Variants in PMS1 observed in about 807,000 individuals in gnomAD.
The protein encoded by PMS1 is PMS1 homolog 1, mismatch repair system component.
In PMS1, 79 loss-of-function variants were observed where a neutral mutation model predicts 93.1. That is an observed-to-expected ratio of 0.85 (90% CI 0.71 to 1.02). The LOEUF (loss-of-function observed/expected upper bound fraction) is 1.02. Among genes scored for constraint, PMS1 ranks in the 50% least tolerant of loss-of-function variants. The pLI, the probability that PMS1 is intolerant of heterozygous loss-of-function variation, is 0.00. For missense variants in PMS1, 1,064 were observed against 1,085.3 expected (o/e 0.98, Z 0.28); for synonymous variants, 335 against 363.4 (o/e 0.92, Z 0.89).
chr2:189,846,655 G>A (rs1012823546), intron 6 of PMS1, among the ~76,000 whole-genome samples: 4 of 151,990 alleles, frequency 2.6e-5, no homozygotes, highest in Non-Finnish European at 4.4e-5. Context: ...CTCCAGCCTC[G>A]GCCAGAAAGA....
At chr2:189,875,359 C>T (rs1246988582) in intron 12 of PMS1, among the ~76,000 whole-genome samples, 1 of 151,636 alleles carries the variant, frequency 6.6e-6, no homozygotes, top group African/African-American at 2.4e-5. Flanking sequence ...TGCAGTCAGC[C>T]CTCCAGAACC....
chr2:189,785,766 A>G (rs1475079210), intron 1 of PMS1, among the ~76,000 whole-genome samples: 1 of 152,178 alleles, frequency 6.6e-6, no homozygotes, highest in Non-Finnish European at 1.5e-5. Flanking sequence ...ATCTGGAAGG[A>G]TGATTAGAAG....
chr2:189,856,154 C>CTT (rs77130183), intron 9 of PMS1, among the ~76,000 whole-genome samples: 2 of 140,478 alleles, frequency 1.4e-5, no homozygotes, highest in African/African-American at 2.6e-5. Context: ...TTTTTGTCAT[C>CTT]TTTTTTTTTT....
chr2:189,860,800 ATTTTTTTTTTTTTTTTTTTT>A (rs1158514130), intron 9 of PMS1, among the ~76,000 whole-genome samples: 554 of 41,032 alleles, frequency 0.014, 11 homozygotes, highest in African/African-American at 0.044. Context: ...TCTTTGAGGA[ATTTTTTTTTTTTTTTTTTTT>A]TTTTTTTTTT....
intron 3 of PMS1, among the ~76,000 whole-genome samples, chr2:189,800,843 A>T (rs2049821107): frequency 6.6e-6 from 1 of 152,190 alleles, no homozygotes; most frequent in South Asian, 2.1e-4. Context: ...AAATGTTATT[A>T]AGAAGAAAAA....
At chr2:189,830,311 G>A (rs1382922650) in intron 5 of PMS1, among the ~76,000 whole-genome samples, 2 of 152,098 alleles carry the variant, frequency 1.3e-5, no homozygotes, top group Admixed American at 6.6e-5. Flanking sequence ...TTTTGCTTCA[G>A]TTGTTTCTGG....
chr2:189,794,294 A>G lies in PMS1; in HGVS notation c.133-1475A>G, dbSNP rs534101827. ...TGCCCGGCTAATTTTTTGTATTTTT[A>G]GTAGTGACCGAGGTTTCACCATGTT... On this transcript the variant is annotated intron_variant, in intron 2 of 12. Transcript: ENST00000441310. Among the ~76,000 whole-genome samples the G allele has an allele frequency of 9.2e-5, 14 of 151,662 alleles. 1 individual carries two copies. In the South Asian group the frequency reaches 2.9e-3, roughly 32 times the overall value.
intron 5 of PMS1, among the ~76,000 whole-genome samples, chr2:189,819,932 G>A (rs967811377): frequency 6.6e-6 from 1 of 152,104 alleles, no homozygotes; most frequent in Non-Finnish European, 1.5e-5. Context: ...TCATCTTGTT[G>A]CTTGGTGAAT....
chr2:189,846,743 C>T (rs187448168), intron 6 of PMS1, among the ~76,000 whole-genome samples: 70 of 152,148 alleles, frequency 4.6e-4, no homozygotes, highest in Admixed American at 1.8e-3. Flanking sequence ...CTTGCACTTT[C>T]GCTTGTTGAT....
chr2:189,823,698 TG>T (rs754471936), intron 5 of PMS1, among the ~76,000 whole-genome samples: 75 of 152,358 alleles, frequency 4.9e-4, no homozygotes, highest in Non-Finnish European at 9.6e-4. Flanking sequence ...TTAATCTTTT[TG>T]TTTCAAAGAA....
Position 189,795,822 on chromosome 2 carries a change from G to A in PMS1, c.186G>A (p.Lys62=). 6.2e-7 allele frequency: 1 copy of A among 1,613,296 alleles called. No individual in the cohort carries two copies. The highest frequency in any genetic ancestry group is 8.5e-7 in the Non-Finnish European group (1 of 1,179,252). The change falls in exon 3 of 13, where the codon AAG becomes AAA. Residue 62 remains lysine (K), a synonymous_variant. Transcript: ENST00000441310. ...IEVRDNGEGI[K]AVDAPVMAMK... ...TGCGAGATAACGGGGAGGGTATCAA[G>A]GCTGTTGATGCACCTGTAATGGCAA...
Position 189,855,197 on chromosome 2 carries a change from A to AC in PMS1, c.1856+69_1856+70insC, listed in dbSNP as rs2055182166. 7.4e-6 allele frequency: 10 copies of AC among 1,348,386 alleles called. No homozygotes were observed. In the Admixed American group the frequency reaches 8.6e-5, roughly 12 times the overall value. 83.5% of individuals were successfully genotyped at this position (1,348,386 alleles called of 1,614,324 possible). On this transcript the variant is annotated intron_variant, in intron 9 of 12. Transcript: ENST00000441310. ...TCCATTCTATATGACTCACTGTTTA[A>AC]AAAGAATTTTTTTCACTTCTTATTT...
rs144159875 is a variant in PMS1, at chr2:189,809,110, G to A, written c.418+3356G>A. On this transcript the variant is annotated intron_variant, in intron 4 of 12. Transcript: ENST00000441310. ...CATCATGTTCTTTGTAAATTCCTAC[G>A]GTGTGTGATTGTGCGTGTATTAAAA... is the stretch of plus-strand genomic sequence containing the variant. Among the ~76,000 whole-genome samples the A allele has an allele frequency of 2.4e-4, 37 of 152,182 alleles. 1 individual carries two copies. Among genetic ancestry groups the A allele is most frequent in the South Asian group, 8.3e-4 (4 of 4,822 alleles).
At chr2:189,794,071 A>G (rs1559213952) in intron 2 of PMS1, among the ~76,000 whole-genome samples, 1 of 152,086 alleles carries the variant, frequency 6.6e-6, no homozygotes, top group Non-Finnish European at 1.5e-5. Flanking sequence ...TTTCTTTAAA[A>G]TATAGAAGAC....
chr2:189,864,276 G>C (rs767243307), intron 10 of PMS1, 48 bp downstream of exon 10: 1 of 1,227,892 alleles, frequency 8.1e-7, no homozygotes, highest in Non-Finnish European at 1.2e-6. Context: ...TATTATAATA[G>C]TTCATACTAG....
chr2:189,854,402 G>C lies in PMS1; in HGVS notation c.1130G>C (p.Gly377Ala), dbSNP rs775503944. The change falls in exon 9 of 13, where the codon GGA (glycine) becomes GCA (alanine). Residue 377 changes from glycine (G) to alanine (A), a missense_variant. Coordinates refer to ENST00000441310, the MANE Select transcript of PMS1 (RefSeq NM_000534.5). ...CTTTTTAATAAAGTGGAATCATCTG[G>C]AAAGAATTATTCAAATGTTGATACT... Reference protein sequence around the residue: ...DVLFNKVESSGKNYSNVDTSV... With the variant: ...DVLFNKVESSAKNYSNVDTSV... The C allele has an allele frequency of 1.9e-6, 3 of 1,604,018 alleles. No individual in the cohort carries two copies. The Admixed American group carries it at 5.1e-5, about 27-fold the overall frequency.
In PMS1 at chr2:189,843,645, A is replaced by C. The variant is rs116494203; in HGVS notation, c.583-319A>C. 4.7e-4 allele frequency among the ~76,000 whole-genome samples: 72 copies of C among 152,314 alleles called. 1 individual carries two copies. The highest frequency in any genetic ancestry group is 1.7e-3 in the African/African-American group (70 of 41,580). On this transcript the variant is annotated intron_variant, in intron 5 of 12. Coordinates refer to ENST00000441310, the MANE Select transcript of PMS1 (RefSeq NM_000534.5). ...TGGAGAGAGAATCGATATTTAGTGA[A>C]ACTGTTTTATGCCAGGCACAGGCAT...
chr2:189,863,790 T>C lies in PMS1; in HGVS notation c.1904T>C (p.Met635Thr), dbSNP rs982600482. The change falls in exon 10 of 13, where the codon ATG (methionine) becomes ACG (threonine). Residue 635 changes from methionine (M) to threonine (T), a missense_variant. Met to Thr is a moderately conservative substitution (Grantham distance 81). Transcript: ENST00000441310. The stretch of plus-strand genomic sequence containing the variant: ...GACTTGGAACGATACAATAGTCAAA[T>C]GAAGAGAGCCATTGAACAGGAGTCA... ...TKDLERYNSQ[M>T]KRAIEQESQM... The C allele has an allele frequency of 8.1e-6, 13 of 1,610,542 alleles. No homozygotes were observed. Among genetic ancestry groups the C allele is most frequent in the Non-Finnish European group, 1.1e-5 (13 of 1,177,000 alleles).
chr2:189,821,590 C>T (rs988894476), intron 5 of PMS1, among the ~76,000 whole-genome samples: 1 of 152,128 alleles, frequency 6.6e-6, no homozygotes, highest in African/African-American at 2.4e-5. Context: ...GGGTGGATCA[C>T]CTGAGGTCAG....
Sources: allele counts gnomAD v4.1 joint callset (sites outside exome capture counted in the v4.1 genomes callset), GRCh38; gene constraint gnomAD v4.1.1; transcripts MANE v1.5; gene names NCBI Gene and HGNC (gene_info 2026-07-23, HGNC 2026-07-21).